ABL2: variants seen among roughly 807,000 people sequenced by gnomAD.
ABL2 encodes the protein tyrosine-protein kinase ABL2.
ABL2 carries 49 observed loss-of-function variants against 107.7 expected under a neutral mutation model. The observed-to-expected ratio is 0.45, with a 90% CI of 0.36 to 0.58. ABL2 has a LOEUF of 0.58. Ranked by LOEUF, ABL2 falls within the 20% of genes least tolerant of loss-of-function variation. The pLI, the probability that ABL2 is intolerant of heterozygous loss-of-function variation, is 0.00. For missense variants in ABL2, 1,245 were observed against 1,457.0 expected, an observed-to-expected ratio of 0.85 and a Z score of 2.37; for synonymous variants, 549 against 548.6, an observed-to-expected ratio of 1.00 and a Z score of -0.01.
At position 179,204,371 on chromosome 1, in the gene ABL2, T is replaced by C. The variant is rs28991599; in HGVS notation, c.157+24870A>G. On this transcript the variant is annotated intron_variant, in intron 1 of 11. Transcript: ENST00000502732. ...CTATCTGCTCACTGCAAAAAAATAT[T>C]CAAATAACACAGACATATGCAGAGT... Among the ~76,000 whole-genome samples, 1,294 of 152,240 alleles carry C rather than the reference T, an allele frequency of 8.5e-3. 45 individuals are homozygous for C. Among genetic ancestry groups the C allele is most frequent in the Admixed American group, 0.057 (875 of 15,290 alleles).
Position 179,121,594 on chromosome 1 carries a change from C to A in ABL2, c.960+1G>T. The A allele has an allele frequency of 6.2e-7, 1 of 1,610,390 alleles. No individual in the cohort carries two copies. On this transcript the variant is annotated splice_donor_variant, in intron 5 of 11. Transcript: ENST00000502732. LOFTEE classifies it high-confidence loss of function. ...GAAAACTGTAATTCTCAGCAACCCA[C>A]CTTCAATGTTTTCACAGCAACTGTA...
intron 1 of ABL2, among the ~76,000 whole-genome samples, chr1:179,189,816 C>T (rs2102817817): frequency 6.6e-6 from 1 of 151,886 alleles, no homozygotes; most frequent in East Asian, 1.9e-4. Flanking sequence ...GGGTGTCTTA[C>T]CATTTTTTTT....
At chr1:179,137,222 C>A (rs1179275378) in intron 1 of ABL2, among the ~76,000 whole-genome samples, 6 of 152,068 alleles carry the variant, frequency 3.9e-5, no homozygotes, top group African/African-American at 1.4e-4. Context: ...CAACAAAAAT[C>A]CATATTGTAA....
Position 179,101,845 on chromosome 1 carries a change from C to A in ABL2, c.*5873G>T. On this transcript the variant is annotated 3_prime_UTR_variant, in exon 12 of 12. Coordinates refer to ENST00000502732, the MANE Select transcript of ABL2 (RefSeq NM_007314.4). ...TGTAGCTTGTCCCACAGCCCTGAAT[C>A]CCACCCATGCTTCTCAGTAAGAGAG... The A allele has an allele frequency of 5.3e-6, 1 of 189,740 alleles. No homozygotes were observed. The highest frequency in any genetic ancestry group is 1.1e-5 in the Non-Finnish European group (1 of 90,364). The allele number at this position is 189,740 out of a possible 1,614,324, so 11.8% of individuals were successfully genotyped here.
chr1:179,192,721 A>C (rs2102824116), intron 1 of ABL2, among the ~76,000 whole-genome samples: 1 of 152,336 alleles, frequency 6.6e-6, no homozygotes, highest in East Asian at 1.9e-4. Flanking sequence ...ACATAGAAAA[A>C]ATTTTAAAAC....
At chr1:179,218,241 T>G (rs915286195) in intron 1 of ABL2, among the ~76,000 whole-genome samples, 9 of 152,168 alleles carry the variant, frequency 5.9e-5, no homozygotes, top group Non-Finnish European at 1.3e-4. Context: ...TACGAACTTT[T>G]AGAGATAAAC....
chr1:179,110,554 G>T (rs1032671976), intron 10 of ABL2, 99 bp from the exon 11 acceptor site: 29 of 1,520,704 alleles, frequency 1.9e-5, no homozygotes, highest in Non-Finnish European at 2.5e-5. Context: ...GAACTGGCAA[G>T]TAGAGTACTA....
chr1:179,224,050 G>C (rs1327328178), intron 1 of ABL2, among the ~76,000 whole-genome samples: 1 of 139,650 alleles, frequency 7.2e-6, no homozygotes, highest in Non-Finnish European at 1.5e-5. Context: ...AGGATCACTT[G>C]AGTCTGGGAG....
intron 1 of ABL2, among the ~76,000 whole-genome samples, chr1:179,151,795 A>G (rs1658376021): frequency 6.6e-6 from 1 of 152,214 alleles, no homozygotes; most frequent in African/African-American, 2.4e-5. Context: ...AAATGATAAA[A>G]TTCTTTACCG....
chr1:179,147,764 G>A (rs1658104097), intron 1 of ABL2, among the ~76,000 whole-genome samples: 2 of 152,046 alleles, frequency 1.3e-5, no homozygotes, highest in Non-Finnish European at 2.9e-5. Context: ...TTCAGGTGAT[G>A]GTTACACTGG....
At chr1:179,144,076 GA>G (rs1257338245) in intron 1 of ABL2, among the ~76,000 whole-genome samples, 3 of 152,292 alleles carry the variant, frequency 2.0e-5, no homozygotes, top group Non-Finnish European at 4.4e-5. Flanking sequence ...TTAAAAACCT[GA>G]AAATGATAGT....
intron 1 of ABL2, among the ~76,000 whole-genome samples, chr1:179,198,910 C>T (rs1258562203): frequency 2.0e-5 from 3 of 148,970 alleles, no homozygotes; most frequent in African/African-American, 5.0e-5. Flanking sequence ...GGCACGATCT[C>T]GGCTCACTGC....
At chr1:179,175,810 C>G (rs1484590897) in intron 1 of ABL2, among the ~76,000 whole-genome samples, 1 of 150,970 alleles carries the variant, frequency 6.6e-6, no homozygotes, top group Non-Finnish European at 1.5e-5. Flanking sequence ...ACAAAGAAGA[C>G]TGCATGCTAG....
intron 1 of ABL2, among the ~76,000 whole-genome samples, chr1:179,179,810 A>T (rs1200547572): frequency 6.6e-6 from 1 of 152,028 alleles, no homozygotes; most frequent in East Asian, 1.9e-4. Context: ...CATTCAAGAA[A>T]TATGTCTTGG....
At chr1:179,145,200 T>C (rs1286713339) in intron 1 of ABL2, among the ~76,000 whole-genome samples, 3 of 152,176 alleles carry the variant, frequency 2.0e-5, no homozygotes, top group African/African-American at 7.2e-5. Flanking sequence ...ATTTAGAATT[T>C]TTCTAGTTCT....
rs977759661 is a variant in ABL2 at position 179,099,681 on chromosome 1, C to T, written c.*8037G>A. The T allele has an allele frequency of 3.5e-5, 8 of 230,788 alleles. No individual in the cohort carries two copies. Among genetic ancestry groups the T allele is most frequent in the South Asian group, 1.8e-4 (1 of 5,514 alleles). 14.3% of individuals were successfully genotyped at this position (230,788 alleles called of 1,614,324 possible). A position where few individuals can be genotyped will look rare whatever the true frequency, so the allele number is the denominator to read the frequency against. On this transcript the variant is annotated 3_prime_UTR_variant, in exon 12 of 12. Coordinates refer to ENST00000502732, the MANE Select transcript of ABL2 (RefSeq NM_007314.4). ...GTGCACCACATACACACCTGCGGGG[C>T]GGGACCTTTGGTATAAACGTTCAAC... is the stretch of plus-strand genomic sequence containing the variant.
rs1241300708 is a variant in ABL2, at chr1:179,102,004, T to C, written c.*5714A>G. On this transcript the variant is annotated 3_prime_UTR_variant, in exon 12 of 12. Transcript: ENST00000502732. Reference sequence around the variant, plus strand: ...GCTTTGCATTAGAATTTCTTTTTTTTTTTTTTTTTTTTTTTTTTTTTTTTT... The same window carrying C: ...GCTTTGCATTAGAATTTCTTTTTTTCTTTTTTTTTTTTTTTTTTTTTTTTT... The C allele has an allele frequency of 5.8e-5, 3 of 51,380 alleles. No homozygotes were observed. The highest frequency in any genetic ancestry group is 3.1e-4 in the African/African-American group (3 of 9,696). The allele number at this position is 51,380 out of a possible 1,614,324, so 3.2% of individuals were successfully genotyped here.
chr1:179,208,155 TA>T (rs1466410132), intron 1 of ABL2, among the ~76,000 whole-genome samples: 6 of 152,168 alleles, frequency 3.9e-5, no homozygotes, highest in Admixed American at 6.6e-5. Flanking sequence ...GTTATATATA[TA>T]TTTTTTCAAC....
At chr1:179,155,786 C>CA (rs1349065537) in intron 1 of ABL2, among the ~76,000 whole-genome samples, 2 of 150,598 alleles carry the variant, frequency 1.3e-5, no homozygotes, top group Admixed American at 6.6e-5. Flanking sequence ...AGAATCCATC[C>CA]AAAAAAAATA....
Sources: allele counts gnomAD v4.1 joint callset (sites outside exome capture counted in the v4.1 genomes callset), GRCh38; gene constraint gnomAD v4.1.1; transcripts MANE v1.5; gene names NCBI Gene and HGNC (gene_info 2026-07-23, HGNC 2026-07-21).